Variants in HDAC4 observed in about 807,000 individuals in gnomAD.
HDAC4 encodes the protein histone deacetylase A.
In HDAC4, 16 loss-of-function variants were observed where a neutral mutation model predicts 135.1. The ratio of observed to expected loss-of-function variants is 0.12; its 90% CI spans 0.08 to 0.18. The LOEUF (loss-of-function observed/expected upper bound fraction) is 0.18, where lower values mean the gene tolerates loss of function less well. Among genes scored for constraint, HDAC4 ranks in the 10% least tolerant of loss-of-function variants. The pLI, the probability that HDAC4 is intolerant of heterozygous loss-of-function variation, is 1.00. For missense variants in HDAC4, 1,143 were observed against 1,511.8 expected (o/e 0.76, Z 4.05); for synonymous variants, 685 against 653.4 (o/e 1.05, Z -0.74).
intron 13 of HDAC4, among the ~76,000 whole-genome samples, chr2:239,114,364 G>C (rs1256450598): frequency 6.6e-6 from 1 of 152,324 alleles, no homozygotes; most frequent in East Asian, 1.9e-4. Context: ...TGGTTCCTCG[G>C]ACTGGCTTCC....
At chr2:239,387,494 TTCTCTGCCTCTC>T (rs2126087247) in intron 1 of HDAC4, among the ~76,000 whole-genome samples, 1 of 152,284 alleles carries the variant, frequency 6.6e-6, no homozygotes, top group East Asian at 1.9e-4. Context: ...AGGTTTGAGG[TTCTCTGCCTCTC>T]CCTCCAGCCT....
At chr2:239,165,268 C>A (rs1374918189) in intron 5 of HDAC4, among the ~76,000 whole-genome samples, 1 of 152,174 alleles carries the variant, frequency 6.6e-6, no homozygotes. Flanking sequence ...CGCTGACCCC[C>A]TGAACCACCC....
At chr2:239,282,979 T>C (rs1575604882) in intron 2 of HDAC4, among the ~76,000 whole-genome samples, 2 of 151,316 alleles carry the variant, frequency 1.3e-5, no homozygotes, top group South Asian at 4.2e-4. Flanking sequence ...CCACTCTCAA[T>C]GTACGTACCA....
At chr2:239,129,657 A>G (rs1406246428) in intron 11 of HDAC4, among the ~76,000 whole-genome samples, 1 of 152,166 alleles carries the variant, frequency 6.6e-6, no homozygotes, top group African/African-American at 2.4e-5. Context: ...CTGTGTCCCT[A>G]TGGCTGCCGG....
rs1212090464 is a variant in HDAC4 at position 239,107,967 on chromosome 2, C to T, written c.2112+83G>A. 4 of 1,558,288 alleles carry T rather than the reference C, an allele frequency of 2.6e-6. No homozygotes were observed. The African/African-American group carries it at 5.4e-5, about 21-fold the overall frequency. On this transcript the variant is annotated intron_variant, in intron 15 of 26. Transcript: ENST00000543185. ...CCCAAAGAACCACCTGCAAAACCAA[C>T]ACCCTGAATCACGCGGGCCCACGAG...
At chr2:239,071,833 A>G (rs2034232901) in intron 22 of HDAC4, among the ~76,000 whole-genome samples, 1 of 152,156 alleles carries the variant, frequency 6.6e-6, no homozygotes, top group African/African-American at 2.4e-5. Flanking sequence ...TTAATTCTGC[A>G]GGCAGAGTTG....
intron 22 of HDAC4, 94 bp downstream of exon 22, chr2:239,081,001 T>A: frequency 1.0e-6 from 1 of 968,586 alleles, no homozygotes; most frequent in Non-Finnish European, 1.6e-6. Context: ...ACAGACCAGT[T>A]TCAGACACGC....
At chr2:239,233,273 G>C (rs1214324388) in intron 3 of HDAC4, among the ~76,000 whole-genome samples, 1 of 152,076 alleles carries the variant, frequency 6.6e-6, no homozygotes, top group Non-Finnish European at 1.5e-5. Flanking sequence ...TGGCATTTTG[G>C]CTTTTTCCTC....
chr2:239,281,574 GTACACACCACTCTCCAC>G (rs2050753353), intron 2 of HDAC4, among the ~76,000 whole-genome samples: 1 of 133,702 alleles, frequency 7.5e-6, no homozygotes, highest in African/African-American at 2.9e-5. Flanking sequence ...ACTCTACAAT[GTACACACCACTCTCCAC>G]ACAATGTACA....
chr2:239,063,935 C>T (rs375984299), intron 24 of HDAC4, among the ~76,000 whole-genome samples: 5 of 152,220 alleles, frequency 3.3e-5, no homozygotes, highest in African/African-American at 1.2e-4. Context: ...TCAGCGCTGC[C>T]GGTCCTGGGC....
rs771103972 is a variant in HDAC4, at chr2:239,111,660, G to A, written c.1844C>T (p.Ala615Val). The A allele has an allele frequency of 3.1e-6, 5 of 1,605,680 alleles. No homozygotes were observed. The highest frequency in any genetic ancestry group is 2.2e-5 in the East Asian group (1 of 44,462). The change falls in exon 14 of 27, where the codon GCG becomes GTG. Residue 615 changes from alanine to valine, a missense_variant. Physicochemically the swap from Ala to Val is moderately conservative, Grantham distance 64. Around this residue, in one of 9 missense-constraint regions of HDAC4, gnomAD observed 196 missense variants for 210.7 expected, o/e 0.93. Transcript: ENST00000543185. The stretch of plus-strand genomic sequence containing the variant: ...GGGGATGCCGGCGGCCTCCATGGAC[G>A]CCTGGTAGTTCCTCAGCTGGTGGAT... ...QRIHQLRNYQ[A>V]SMEAAGIPVS... is the part of the protein sequence containing the mutation.
intron 2 of HDAC4, among the ~76,000 whole-genome samples, chr2:239,335,882 C>T (rs757869375): frequency 6.6e-5 from 10 of 152,180 alleles, no homozygotes; most frequent in Non-Finnish European, 1.3e-4. Context: ...GGCACACATA[C>T]ACCTTATCAA....
At chr2:239,398,597 G>A (rs947334394) in intron 1 of HDAC4, among the ~76,000 whole-genome samples, 1 of 152,218 alleles carries the variant, frequency 6.6e-6, no homozygotes, top group Non-Finnish European at 1.5e-5. Flanking sequence ...GGCTGCCTGA[G>A]CCGCACGTGG....
chr2:239,355,325 G>A (rs562169149), intron 1 of HDAC4, among the ~76,000 whole-genome samples: 54 of 151,806 alleles, frequency 3.6e-4, no homozygotes, highest in African/African-American at 1.2e-3. Context: ...CTCTTTCACC[G>A]GTGACACATC....
intron 1 of HDAC4, among the ~76,000 whole-genome samples, chr2:239,370,714 C>T (rs531535411): frequency 6.6e-5 from 10 of 152,346 alleles, no homozygotes; most frequent in South Asian, 6.2e-4. Flanking sequence ...TGCAGCCCTG[C>T]GGCGCCTGGA....
At chr2:239,225,047 A>T (rs2047163458) in intron 3 of HDAC4, among the ~76,000 whole-genome samples, 1 of 152,254 alleles carries the variant, frequency 6.6e-6, no homozygotes, top group Non-Finnish European at 1.5e-5. Context: ...GTAAATTAGA[A>T]ATGAATAACA....
chr2:239,360,891 G>T (rs1693822475), intron 1 of HDAC4, among the ~76,000 whole-genome samples: 1 of 152,156 alleles, frequency 6.6e-6, no homozygotes, highest in Non-Finnish European at 1.5e-5. Flanking sequence ...TAGGAAAAAG[G>T]CTCTGGGGCC....
At chr2:239,312,044 A>G (rs1400878025) in intron 2 of HDAC4, among the ~76,000 whole-genome samples, 1 of 152,220 alleles carries the variant, frequency 6.6e-6, no homozygotes, top group Non-Finnish European at 1.5e-5. Flanking sequence ...CCAAAAATTG[A>G]AAGCCAAGAA....
chr2:239,097,648 G>C (rs1350342505), intron 16 of HDAC4, among the ~76,000 whole-genome samples: 3 of 152,270 alleles, frequency 2.0e-5, no homozygotes, highest in African/African-American at 7.2e-5. Flanking sequence ...AGGTGCTGGG[G>C]CTGGGCAGGA....
Sources: gnomAD v4.1 joint callset for allele counts (sites outside exome capture counted in the v4.1 genomes callset) on GRCh38, gnomAD v4.1.1 for gene constraint, gnomAD v4.1.1 regional missense constraint, MANE v1.5 for transcripts, NCBI Gene and HGNC (gene_info 2026-07-23, HGNC 2026-07-21) for gene names.